Variants in GABRB1 observed in about 807,000 individuals in gnomAD.
The protein encoded by GABRB1 is gamma-aminobutyric acid type A receptor subunit beta1.
Under a neutral mutation model 51.6 loss-of-function variants are expected in GABRB1, and 17 were observed. The observed-to-expected ratio is 0.33, with a 90% confidence interval of 0.23 to 0.49. The LOEUF (loss-of-function observed/expected upper bound fraction) is 0.49. GABRB1 is among the 20% of genes least tolerant of loss of function. The pLI is 0.99. For synonymous variants in GABRB1, 247 were observed against 218.9 expected, an observed-to-expected ratio of 1.13 and a Z score of -1.14; for missense variants, 410 against 600.6, an observed-to-expected ratio of 0.68 and a Z score of 3.32.
At chr4:47,308,368 T>C (rs948003413) in intron 4 of GABRB1, among the ~76,000 whole-genome samples, 1 of 152,100 alleles carries the variant, frequency 6.6e-6, no homozygotes, top group Non-Finnish European at 1.5e-5. Context: ...ATTTGTTTTC[T>C]TTATTGCTTA....
At chr4:47,374,320 T>C (rs573641209) in intron 5 of GABRB1, among the ~76,000 whole-genome samples, 284 of 152,142 alleles carry the variant, frequency 1.9e-3, no homozygotes, top group African/African-American at 6.5e-3. Flanking sequence ...GCACAGGTAG[T>C]TGAGGCTGCA....
At chr4:47,140,740 T>C (rs1269108035) in intron 3 of GABRB1, among the ~76,000 whole-genome samples, 2 of 151,446 alleles carry the variant, frequency 1.3e-5, no homozygotes, top group Non-Finnish European at 3.0e-5. Flanking sequence ...TGCTCTTTCC[T>C]GTGTGGTTAA....
chr4:47,385,998 C>T (rs924375008), intron 5 of GABRB1, among the ~76,000 whole-genome samples: 1 of 152,172 alleles, frequency 6.6e-6, no homozygotes, highest in Non-Finnish European at 1.5e-5. Flanking sequence ...ATGCCACCCT[C>T]CCAGCACCTT....
At chr4:47,296,532 A>G (rs1723999921) in intron 4 of GABRB1, among the ~76,000 whole-genome samples, 2 of 152,342 alleles carry the variant, frequency 1.3e-5, no homozygotes, top group South Asian at 2.1e-4. Flanking sequence ...ATAATGGTAA[A>G]GGGATCAATT....
chr4:47,104,065 T>C (rs1332171461), intron 3 of GABRB1, among the ~76,000 whole-genome samples: 1 of 151,886 alleles, frequency 6.6e-6, no homozygotes, highest in Non-Finnish European at 1.5e-5. Flanking sequence ...TTTTTAAGAG[T>C]TTCCTTTAGT....
intron 3 of GABRB1, among the ~76,000 whole-genome samples, chr4:47,130,655 T>C (rs979237682): frequency 1.3e-5 from 2 of 152,172 alleles, no homozygotes; most frequent in African/African-American, 4.8e-5. Flanking sequence ...TTATTACATT[T>C]GTAATTTTAT....
At chr4:47,395,068 G>A (rs997390059) in intron 5 of GABRB1, among the ~76,000 whole-genome samples, 1 of 152,124 alleles carries the variant, frequency 6.6e-6, no homozygotes, top group African/African-American at 2.4e-5. Flanking sequence ...GCAAGGCAAG[G>A]TTCAGTGCAC....
intron 5 of GABRB1, among the ~76,000 whole-genome samples, chr4:47,374,017 T>A (rs545302309): frequency 6.6e-6 from 1 of 152,270 alleles, no homozygotes; most frequent in East Asian, 1.9e-4. Flanking sequence ...TCACAAATAC[T>A]CACAGCTCAG....
At chr4:47,365,892 C>T (rs1237475710) in intron 5 of GABRB1, among the ~76,000 whole-genome samples, 2 of 152,138 alleles carry the variant, frequency 1.3e-5, no homozygotes, top group Non-Finnish European at 2.9e-5. Flanking sequence ...TGTTGCCTGC[C>T]TCAGGATGCT....
At chr4:47,132,772 T>C (rs893682691) in intron 3 of GABRB1, among the ~76,000 whole-genome samples, 1 of 152,176 alleles carries the variant, frequency 6.6e-6, no homozygotes, top group African/African-American at 2.4e-5. Context: ...TACTGCTAAA[T>C]AGTAAAACAG....
At chr4:47,253,972 G>A (rs1342535759) in intron 4 of GABRB1, among the ~76,000 whole-genome samples, 4 of 152,116 alleles carry the variant, frequency 2.6e-5, no homozygotes, top group Non-Finnish European at 5.9e-5. Flanking sequence ...TATTGAGATT[G>A]GAGTAGAAAA....
At chr4:47,015,807 C>T (rs1724725922) in intron 1 of GABRB1, among the ~76,000 whole-genome samples, 1 of 152,148 alleles carries the variant, frequency 6.6e-6, no homozygotes, top group Non-Finnish European at 1.5e-5. Context: ...AATATTTATT[C>T]ATTTTGTTCT....
chr4:47,253,558 T>C (rs1722072675), intron 4 of GABRB1, among the ~76,000 whole-genome samples: 2 of 152,240 alleles, frequency 1.3e-5, no homozygotes, highest in South Asian at 2.1e-4. Flanking sequence ...TTACAAATTG[T>C]TCCTTTCCAA....
intron 4 of GABRB1, among the ~76,000 whole-genome samples, chr4:47,247,834 T>A (rs1721825665): frequency 6.6e-6 from 1 of 152,120 alleles, no homozygotes; most frequent in Admixed American, 6.5e-5. Context: ...GTTGTTGGTG[T>A]ATAGAAGAGC....
At chr4:47,123,823 T>G in intron 3 of GABRB1, among the ~76,000 whole-genome samples, 1 of 91,368 alleles carries the variant, frequency 1.1e-5, no homozygotes, top group South Asian at 2.7e-4. Flanking sequence ...ATATATTATA[T>G]TATATTATAT....
At chr4:47,255,948 C>G (rs1722182326) in intron 4 of GABRB1, among the ~76,000 whole-genome samples, 1 of 152,146 alleles carries the variant, frequency 6.6e-6, no homozygotes, top group Non-Finnish European at 1.5e-5. Flanking sequence ...GGACACAGAT[C>G]ATGGAATAAC....
In GABRB1 at chr4:47,000,652, A is replaced by G. The variant is rs561354533; in HGVS notation, c.-20+6726A>G. ...CATTGAAGATAGCTTATTGCTTCAC[A>G]TGACTGGTGCTTCAGATAGACAGGG... On this transcript the variant is annotated intron_variant, in intron 1 of 3. Coordinates refer to the GABRB1 transcript ENST00000513567. Among the ~76,000 whole-genome samples the G allele has an allele frequency of 4.6e-5, 7 of 152,296 alleles. No homozygotes were observed. In the South Asian group the frequency reaches 1.5e-3, roughly 32 times the overall value.
intron 4 of GABRB1, among the ~76,000 whole-genome samples, chr4:47,256,451 C>A (rs905033901): frequency 6.6e-6 from 1 of 152,078 alleles, no homozygotes; most frequent in Non-Finnish European, 1.5e-5. Flanking sequence ...GCATTTAATC[C>A]CTGTTTTGTA....
At position 47,329,867 on chromosome 4, in the gene GABRB1, G is replaced by T. The variant is rs146045893; in HGVS notation, c.544+9658G>T. Among the ~76,000 whole-genome samples the T allele has an allele frequency of 4.9e-3, 752 of 152,036 alleles. 6 individuals are homozygous for T. The highest frequency in any genetic ancestry group is 0.017 in the African/African-American group (720 of 41,494). Reference sequence around the variant, plus strand: ...TAGAGAGCGAGTGAGAAATAAGAAAGAGAGAGAAAGACAGATTTATTATAA... The same window carrying T: ...TAGAGAGCGAGTGAGAAATAAGAAATAGAGAGAAAGACAGATTTATTATAA... On this transcript the variant is annotated intron_variant, in intron 5 of 8. Transcript: ENST00000295454.
Sources: allele counts gnomAD v4.1 joint callset (sites outside exome capture counted in the v4.1 genomes callset), GRCh38; gene constraint gnomAD v4.1.1; transcripts MANE v1.5; gene names NCBI Gene and HGNC (gene_info 2026-07-23, HGNC 2026-07-21).